Variants in ERBB4 observed in about 807,000 individuals in gnomAD.
ERBB4 encodes the protein erb-b2 receptor tyrosine kinase 4.
In ERBB4, 42 loss-of-function variants were observed where a neutral mutation model predicts 158.0. That is an observed-to-expected ratio of 0.27 (90% confidence interval 0.21 to 0.34). The LOEUF is 0.34. Among genes scored for constraint, ERBB4 ranks in the 10% least tolerant of loss-of-function variants. The pLI is 1.00. For synonymous variants in ERBB4, 583 were observed against 558.7 expected (o/e 1.04, Z -0.61); for missense variants, 1,333 against 1,624.1 (o/e 0.82, Z 3.08).
chr2:211,541,052 G>C (rs1014183730), intron 20 of ERBB4, among the ~76,000 whole-genome samples: 24 of 151,838 alleles, frequency 1.6e-4, no homozygotes, highest in African/African-American at 5.8e-4. Context: ...CTCCCTCTCT[G>C]TGATTATATC....
intron 19 of ERBB4, among the ~76,000 whole-genome samples, chr2:211,605,575 A>C (rs1370683329): frequency 6.6e-6 from 1 of 152,106 alleles, no homozygotes; most frequent in Non-Finnish European, 1.5e-5. Context: ...TCTGGTTCAA[A>C]AGTGTGTCAT....
At chr2:211,536,537 G>A (rs1453913466) in intron 20 of ERBB4, among the ~76,000 whole-genome samples, 7 of 151,974 alleles carry the variant, frequency 4.6e-5, no homozygotes, top group Admixed American at 2.0e-4. Flanking sequence ...ATGCCTGAGC[G>A]AATGATTGGG....
chr2:211,526,102 T>C (rs1209926947), intron 20 of ERBB4, among the ~76,000 whole-genome samples: 3 of 151,984 alleles, frequency 2.0e-5, no homozygotes, highest in Non-Finnish European at 4.4e-5. Flanking sequence ...GGAGCGAACA[T>C]AGGTGGTAAC....
At chr2:211,964,484 T>C (rs1011524022) in intron 2 of ERBB4, among the ~76,000 whole-genome samples, 1 of 152,212 alleles carries the variant, frequency 6.6e-6, no homozygotes, top group African/African-American at 2.4e-5. Flanking sequence ...AAGGAACTGA[T>C]GTTAATAAAA....
chr2:212,202,764 A>G (rs1351741080), intron 1 of ERBB4, among the ~76,000 whole-genome samples: 1 of 152,192 alleles, frequency 6.6e-6, no homozygotes, highest in East Asian at 1.9e-4. Context: ...CAATCCAGGA[A>G]AGACTGATCA....
At chr2:211,546,389 G>GAT (rs1478471215) in intron 20 of ERBB4, among the ~76,000 whole-genome samples, 2 of 152,128 alleles carry the variant, frequency 1.3e-5, no homozygotes, top group Admixed American at 6.5e-5. Context: ...TTTATCACAT[G>GAT]ATACTAATAA....
At chr2:212,275,150 A>C (rs578216147) in intron 1 of ERBB4, among the ~76,000 whole-genome samples, 6,989 of 151,724 alleles carry the variant, frequency 0.046, 223 homozygotes, top group African/African-American at 0.088. Flanking sequence ...CATGTGCCAA[A>C]TTTTCTTTAT....
chr2:211,586,216 A>G (rs1462178173), intron 19 of ERBB4, among the ~76,000 whole-genome samples: 5 of 152,192 alleles, frequency 3.3e-5, no homozygotes, highest in African/African-American at 1.2e-4. Context: ...TGCACATTAC[A>G]TATCACCATA....
chr2:212,145,989 G>A (rs977262393), intron 1 of ERBB4, among the ~76,000 whole-genome samples: 26 of 152,126 alleles, frequency 1.7e-4, no homozygotes, highest in African/African-American at 6.0e-4. Flanking sequence ...GCCCAAAGGG[G>A]ATAGTCTACT....
intron 2 of ERBB4, among the ~76,000 whole-genome samples, chr2:212,077,163 A>G (rs557299846): frequency 6.6e-6 from 1 of 152,162 alleles, no homozygotes; most frequent in South Asian, 2.1e-4. Flanking sequence ...ATATGGGACA[A>G]TGGGAAGACT....
At chr2:211,426,675 A>G (rs1223800154) in intron 22 of ERBB4, among the ~76,000 whole-genome samples, 1 of 151,530 alleles carries the variant, frequency 6.6e-6, no homozygotes, top group Non-Finnish European at 1.5e-5. Flanking sequence ...GCTAATTTAA[A>G]TTTGCCTTCA....
intron 1 of ERBB4, among the ~76,000 whole-genome samples, chr2:212,217,916 T>C (rs1271561170): frequency 1.3e-5 from 2 of 151,252 alleles, no homozygotes; most frequent in Non-Finnish European, 3.0e-5. Flanking sequence ...TTTCTTCTGG[T>C]GCACTTAAAT....
chr2:212,214,910 C>T (rs75677866), intron 1 of ERBB4, among the ~76,000 whole-genome samples: 6,315 of 151,530 alleles, frequency 0.042, 205 homozygotes, highest in Non-Finnish European at 0.06. Context: ...ACAAATGATA[C>T]GACACATCAA....
chr2:211,712,190 A>C lies in ERBB4; in HGVS notation c.998-14T>G. 6.2e-7 allele frequency: 1 copy of C among 1,613,234 alleles called. No individual in the cohort carries two copies. Among genetic ancestry groups the C allele is most frequent in the Non-Finnish European group, 8.5e-7 (1 of 1,179,302 alleles). On this transcript the variant is annotated splice_polypyrimidine_tract_variant and intron_variant, in intron 8 of 27. Transcript: ENST00000342788. ...TGCCATCACAAGCTGTAGAAACAAG[A>C]CTCAGAGTTAGGGGATTGAGAAACT...
At chr2:212,465,720 T>G (rs1242437045) in intron 1 of ERBB4, among the ~76,000 whole-genome samples, 1 of 152,144 alleles carries the variant, frequency 6.6e-6, no homozygotes, top group Admixed American at 6.6e-5. Flanking sequence ...CCAATATATT[T>G]TTGTGCTTTC....
At chr2:212,503,864 C>A (rs142482917) in intron 1 of ERBB4, among the ~76,000 whole-genome samples, 1,488 of 147,274 alleles carry the variant, frequency 0.01, 24 homozygotes, top group Non-Finnish European at 0.012. Context: ...CTTAAGGGAT[C>A]TCAAACAAAA....
rs138678781 is a variant in ERBB4 at position 212,061,518 on chromosome 2, G to C, written c.234+63234C>G. Among the ~76,000 whole-genome samples the C allele has an allele frequency of 9.0e-3, 1,135 of 125,488 alleles. 10 individuals carry two copies. Among genetic ancestry groups the C allele is most frequent in the African/African-American group, 0.032 (1,040 of 32,396 alleles). 82.3% of individuals were successfully genotyped at this position (125,488 alleles called of 152,430 possible). ...AGACAACAATTTGTGTTTCCATTAAGCCATATTCTATAGTTTCTGGCATTC... is the reference window on the plus strand; with the variant it reads ...AGACAACAATTTGTGTTTCCATTAACCCATATTCTATAGTTTCTGGCATTC... On this transcript the variant is annotated intron_variant, in intron 2 of 27. Transcript: ENST00000342788.
intron 1 of ERBB4, among the ~76,000 whole-genome samples, chr2:212,407,747 A>G (rs896995955): frequency 2.0e-5 from 3 of 152,096 alleles, no homozygotes; most frequent in African/African-American, 7.2e-5. Context: ...TTGACAAAAG[A>G]CCATCTGCTG....
chr2:211,788,741 G>T (rs2106320100), intron 3 of ERBB4, among the ~76,000 whole-genome samples: 1 of 152,262 alleles, frequency 6.6e-6, no homozygotes, highest in South Asian at 2.1e-4. Flanking sequence ...TAGAGAGATT[G>T]TTTCAGTCAA....
Sources: gnomAD v4.1 joint callset for allele counts (sites outside exome capture counted in the v4.1 genomes callset) on GRCh38, gnomAD v4.1.1 for gene constraint, MANE v1.5 for transcripts, NCBI Gene and HGNC (gene_info 2026-07-23, HGNC 2026-07-21) for gene names.